SMIM14: variants seen among roughly 807,000 people sequenced by gnomAD.
SMIM14 encodes the protein chromosome 4 open reading frame 34.
SMIM14 carries 5 observed loss-of-function variants against 12.6 expected under a neutral mutation model. That is an observed-to-expected ratio of 0.40 (90% confidence interval 0.21 to 0.83). The LOEUF is 0.83. Ranked by LOEUF, SMIM14 falls within the 40% of genes least tolerant of loss-of-function variation. The pLI is 0.37. For synonymous variants in SMIM14, 30 were observed against 40.1 expected (o/e 0.75, Z 0.95); for missense variants, 86 against 119.1 (o/e 0.72, Z 1.29).
At chr4:39,637,923 C>A (rs1382775487) in intron 1 of SMIM14, among the ~76,000 whole-genome samples, 1 of 152,134 alleles carries the variant, frequency 6.6e-6, no homozygotes, top group Non-Finnish European at 1.5e-5. Flanking sequence ...GAAGCTCATC[C>A]GACTCTCTCG....
intron 1 of SMIM14, among the ~76,000 whole-genome samples, chr4:39,630,901 AAAGCAAGC>A (rs970502446): frequency 1.3e-5 from 2 of 152,056 alleles, no homozygotes; most frequent in Admixed American, 6.6e-5. Context: ...GAAAGAAAGA[AAAGCAAGC>A]AAGCAAGCAA....
intron 2 of SMIM14, among the ~76,000 whole-genome samples, chr4:39,600,092 T>G (rs1387172979): frequency 6.6e-6 from 1 of 152,150 alleles, no homozygotes. Context: ...GTGTCAACAT[T>G]TGGATATACA....
At chr4:39,637,329 C>A (rs1338533476) in intron 1 of SMIM14, among the ~76,000 whole-genome samples, 3 of 152,134 alleles carry the variant, frequency 2.0e-5, no homozygotes, top group African/African-American at 7.2e-5. Flanking sequence ...TTCAAGAAAT[C>A]TTTCCTTCTT....
rs1715983558 is a variant in SMIM14, at chr4:39,633,472, CTGTT to C, written c.-36+5263_-36+5266del. ...TATTAAAGGAAAACTTCAAATAAAT[CTGTT>C]TATTTAAAATATCTTTGGATGCAGT... On this transcript the variant is annotated intron_variant, in intron 1 of 4. Coordinates refer to ENST00000295958, the MANE Select transcript of SMIM14 (RefSeq NM_174921.3). Among the ~76,000 whole-genome samples, 3 of 151,832 alleles carry C rather than the reference CTGTT, an allele frequency of 2.0e-5. No homozygotes were observed. The South Asian group carries it at 6.2e-4, about 32-fold the overall frequency.
At chr4:39,591,714 C>G (rs1432818665) in intron 2 of SMIM14, among the ~76,000 whole-genome samples, 1 of 152,040 alleles carries the variant, frequency 6.6e-6, no homozygotes, top group Non-Finnish European at 1.5e-5. Context: ...CACCACCAGG[C>G]CCAGCTAATT....
Position 39,590,439 on chromosome 4 carries a change from T to C in SMIM14, c.75+14632A>G, listed in dbSNP as rs1235255751. Among the ~76,000 whole-genome samples the C allele has an allele frequency of 2.0e-5, 3 of 151,492 alleles. No individual in the cohort carries two copies. The East Asian group carries it at 5.8e-4, about 29-fold the overall frequency. On this transcript the variant is annotated intron_variant, in intron 2 of 4. Coordinates refer to ENST00000295958, the MANE Select transcript of SMIM14 (RefSeq NM_174921.3). ...AAAAAAAAAAAAGAATGATTCATGATTAGACGGGGATTTTGTGTAGGCAAC... is the reference window on the plus strand; with the variant it reads ...AAAAAAAAAAAAGAATGATTCATGACTAGACGGGGATTTTGTGTAGGCAAC...
At chr4:39,634,670 T>TA (rs1716026993) in intron 1 of SMIM14, among the ~76,000 whole-genome samples, 1 of 152,198 alleles carries the variant, frequency 6.6e-6, no homozygotes, top group African/African-American at 2.4e-5. Context: ...TGATATGCAT[T>TA]AAAATCACCT....
chr4:39,624,614 A>C (rs1003403995), intron 1 of SMIM14, among the ~76,000 whole-genome samples: 1 of 152,104 alleles, frequency 6.6e-6, no homozygotes, highest in African/African-American at 2.4e-5. Flanking sequence ...ACCTGAGGTC[A>C]GGAGTTCAAG....
At position 39,632,206 on chromosome 4, in the gene SMIM14, G is replaced by A. The variant is rs368556669; in HGVS notation, c.-36+6533C>T. ...GATAGCTTCTATTAAAAATCTTCAC[G>A]TCAGCTGGGCACGGTGACTCATGCC... On this transcript the variant is annotated intron_variant, in intron 1 of 4. Coordinates refer to ENST00000295958, the MANE Select transcript of SMIM14 (RefSeq NM_174921.3). Among the ~76,000 whole-genome samples the A allele has an allele frequency of 2.2e-4, 34 of 152,076 alleles. 1 individual carries two copies. The highest frequency in any genetic ancestry group is 1.9e-3 in the East Asian group (10 of 5,176).
At position 39,605,054 on chromosome 4, in the gene SMIM14, G is replaced by T. The variant is rs766917964; in HGVS notation, c.75+17C>A. 5 of 1,471,336 alleles carry T rather than the reference G, an allele frequency of 3.4e-6. No individual in the cohort carries two copies. The highest frequency in any genetic ancestry group is 3.8e-6 in the Non-Finnish European group (4 of 1,054,672). 91.1% of individuals were successfully genotyped at this position (1,471,336 alleles called of 1,614,324 possible). ...ATACAGATCAGTTCAGAATAGGATTGTCCTGTTGCATCTCACCAGATTGAT... is the reference window on the plus strand; with the variant it reads ...ATACAGATCAGTTCAGAATAGGATTTTCCTGTTGCATCTCACCAGATTGAT... On this transcript the variant is annotated intron_variant, in intron 2 of 4. Transcript: ENST00000295958.
chr4:39,621,471 A>T (rs978707342), intron 1 of SMIM14, among the ~76,000 whole-genome samples: 2 of 152,158 alleles, frequency 1.3e-5, no homozygotes, highest in Admixed American at 1.3e-4. Flanking sequence ...CTTTTCTGGC[A>T]ATACAAATCC....
intron 2 of SMIM14, among the ~76,000 whole-genome samples, chr4:39,586,373 C>A (rs1414016941): frequency 1.3e-5 from 2 of 151,974 alleles, no homozygotes; most frequent in Non-Finnish European, 2.9e-5. Context: ...AGTTCTACCT[C>A]CCACCCAGAA....
intron 1 of SMIM14, among the ~76,000 whole-genome samples, chr4:39,607,668 C>T (rs1331029131): frequency 6.6e-6 from 1 of 152,108 alleles, no homozygotes; most frequent in African/African-American, 2.4e-5. Context: ...CAGTAGTAGA[C>T]ACAGATACTA....
chr4:39,567,143 G>GAAAAAAA (rs1168446466), intron 3 of SMIM14, among the ~76,000 whole-genome samples: 1 of 72,112 alleles, frequency 1.4e-5, no homozygotes, highest in South Asian at 4.7e-4. Context: ...CTCAAAAAAA[G>GAAAAAAA]AAAAAAAAAA....
At chr4:39,594,454 A>T (rs552555749) in intron 2 of SMIM14, 3 of 151,618 alleles carry the variant, frequency 2.0e-5, no homozygotes, top group Admixed American at 6.6e-5. Flanking sequence ...AAAACCCTAG[A>T]AGAAAACCTA....
At chr4:39,576,463 G>A (rs1416907395) in intron 2 of SMIM14, among the ~76,000 whole-genome samples, 1 of 151,036 alleles carries the variant, frequency 6.6e-6, no homozygotes, top group Non-Finnish European at 1.5e-5. Flanking sequence ...CTGTGAGTCA[G>A]TATCAAGGAA....
chr4:39,614,770 G>A (rs1715159482), intron 1 of SMIM14, among the ~76,000 whole-genome samples: 1 of 152,014 alleles, frequency 6.6e-6, no homozygotes, highest in African/African-American at 2.4e-5. Flanking sequence ...TAGCATTAAG[G>A]GCAAAATAAA....
intron 2 of SMIM14, among the ~76,000 whole-genome samples, chr4:39,589,971 C>T (rs1027357875): frequency 3.0e-5 from 4 of 133,180 alleles, no homozygotes; most frequent in East Asian, 2.3e-4. Context: ...TGCAGTGAGC[C>T]GAGATCACAC....
At chr4:39,579,044 A>C (rs992549544) in intron 2 of SMIM14, among the ~76,000 whole-genome samples, 1 of 151,574 alleles carries the variant, frequency 6.6e-6, no homozygotes, top group Non-Finnish European at 1.5e-5. Flanking sequence ...GCAGTAATAG[A>C]ATAATATGAG....
Sources: gnomAD v4.1 joint callset for allele counts (sites outside exome capture counted in the v4.1 genomes callset) on GRCh38, gnomAD v4.1.1 for gene constraint, MANE v1.5 for transcripts, NCBI Gene and HGNC (gene_info 2026-07-23, HGNC 2026-07-21) for gene names.